The following DGKI variants were observed in gnomAD, a reference collection of about 807,000 sequenced individuals.
DGKI encodes DAG kinase iota.
In DGKI, 55 loss-of-function variants were observed where a neutral mutation model predicts 147.5. The ratio of observed to expected loss-of-function variants is 0.37; its 90% confidence interval spans 0.30 to 0.47. DGKI has a LOEUF of 0.47. Ranked by LOEUF, DGKI falls within the 20% of genes least tolerant of loss-of-function variation. The probability of loss-of-function intolerance (pLI) is 1.00; values close to 1 mark genes in which losing one functional copy is unlikely to be tolerated. For synonymous variants in DGKI, 469 were observed against 477.1 expected (o/e 0.98, Z 0.22); for missense variants, 1,007 against 1,323.8 (o/e 0.76, Z 3.71).
chr7:137,722,026 A>C lies in DGKI; in HGVS notation c.402-32024T>G, dbSNP rs185293693. 1.4e-4 allele frequency: 224 copies of C among 1,585,742 alleles called. No homozygotes were observed. The Middle Eastern group carries it at 1.5e-3, about 11-fold the overall frequency. On this transcript the variant is annotated intron_variant, in intron 1 of 32. Coordinates refer to ENST00000614521, the MANE Select transcript of DGKI (RefSeq NM_001321708.2). ...AGTTGAGAAGCCAGATACTAAAGAG[A>C]AGAAACCTGAAGCCAAGAAGGCTGA...
Position 137,636,693 on chromosome 7 carries a change from T to C in DGKI, c.804+8779A>G, listed in dbSNP as rs927917696. ...CCCCTCTAGAATCTCCTGCTGAAAT[T>C]TGATCCCCAGTGTTGGAAGTGGGAA... On this transcript the variant is annotated intron_variant, in intron 6 of 32. Transcript: ENST00000614521. Among the ~76,000 whole-genome samples, 12 of 152,322 alleles carry C rather than the reference T, an allele frequency of 7.9e-5. No individual in the cohort carries two copies. The South Asian group carries it at 1.9e-3, about 24-fold the overall frequency.
intron 1 of DGKI, among the ~76,000 whole-genome samples, chr7:137,839,010 T>C (rs1798471586): frequency 6.6e-6 from 1 of 152,246 alleles, no homozygotes; most frequent in African/African-American, 2.4e-5. Context: ...CTATTTCTAG[T>C]ACCTCGGTCT....
intron 7 of DGKI, among the ~76,000 whole-genome samples, chr7:137,621,576 C>A (rs1015408479): frequency 5.9e-5 from 9 of 152,122 alleles, no homozygotes; most frequent in Non-Finnish European, 2.9e-5. Context: ...ACATATCAAC[C>A]GCTGTAATTT....
intron 21 of DGKI, among the ~76,000 whole-genome samples, chr7:137,513,685 A>G (rs1217633921): frequency 6.6e-6 from 1 of 152,234 alleles, no homozygotes; most frequent in Non-Finnish European, 1.5e-5. Context: ...TATAGCCTGT[A>G]GCTCCTAGGC....
chr7:137,625,673 A>G (rs1428930909), intron 6 of DGKI, among the ~76,000 whole-genome samples: 2 of 151,298 alleles, frequency 1.3e-5, no homozygotes, highest in Non-Finnish European at 2.9e-5. Context: ...TGAGGTAGGC[A>G]GATTGCTTGA....
chr7:137,603,591 C>T (rs1484694817), intron 10 of DGKI, among the ~76,000 whole-genome samples: 1 of 152,168 alleles, frequency 6.6e-6, no homozygotes, highest in African/African-American at 2.4e-5. Context: ...AATTAATTCA[C>T]CAAAGATGGG....
At chr7:137,668,774 G>A (rs772169353) in intron 3 of DGKI, among the ~76,000 whole-genome samples, 12 of 152,186 alleles carry the variant, frequency 7.9e-5, no homozygotes, top group Non-Finnish European at 1.2e-4. Flanking sequence ...CTGTCAGCTA[G>A]GCTAGTTGTT....
At chr7:137,584,866 C>A (rs1240644193) in intron 14 of DGKI, among the ~76,000 whole-genome samples, 2 of 152,096 alleles carry the variant, frequency 1.3e-5, no homozygotes, top group Admixed American at 1.3e-4. Flanking sequence ...AACAAGTGCC[C>A]AATGCTTACA....
chr7:137,799,559 A>T (rs1797132811), intron 1 of DGKI, among the ~76,000 whole-genome samples: 1 of 152,196 alleles, frequency 6.6e-6, no homozygotes, highest in Non-Finnish European at 1.5e-5. Flanking sequence ...ATAAGAACAT[A>T]CTGAGAACAG....
At position 137,391,252 on chromosome 7, in the gene DGKI, T is replaced by C. The variant is rs765516863; in HGVS notation, c.3142A>G (p.Ile1048Val). ...GCAGTTTCCAGGTCCTCATGGCCAA[T>C]GACCTTATAGTTCTGACGGCTTTCT... The part of the protein sequence containing the change: ...YLESRQNYKV[I>V]GHEDLETAV Residue 1048 changes from isoleucine to valine, a missense_variant, in exon 33 of 33, where the codon ATT (isoleucine) becomes GTT (valine). Coordinates refer to ENST00000614521, the MANE Select transcript of DGKI (RefSeq NM_001321708.2). 2 of 1,613,956 alleles carry C rather than the reference T, an allele frequency of 1.2e-6. No homozygotes were observed. Among genetic ancestry groups the C allele is most frequent in the East Asian group, 2.2e-5 (1 of 44,858 alleles).
chr7:137,781,098 G>A (rs1475102688), intron 1 of DGKI, among the ~76,000 whole-genome samples: 2 of 152,224 alleles, frequency 1.3e-5, no homozygotes, highest in South Asian at 4.1e-4. Flanking sequence ...AGAGGTGGTT[G>A]CACTCCCAGA....
Position 137,832,456 on chromosome 7 carries a change from G to C in DGKI, c.401+14006C>G, listed in dbSNP as rs892420363. 9.2e-5 allele frequency among the ~76,000 whole-genome samples: 14 copies of C among 152,212 alleles called. 1 individual carries two copies. Among genetic ancestry groups the C allele is most frequent in the Admixed American group, 1.3e-4 (2 of 15,284 alleles). On this transcript the variant is annotated intron_variant, in intron 1 of 32. Transcript: ENST00000614521. Reference sequence around the variant, plus strand: ...CATGTGGAAGTTTCCAAGGATTAAGGCTTGAACCCTCTGAAGCAATAGCTC... The same window carrying C: ...CATGTGGAAGTTTCCAAGGATTAAGCCTTGAACCCTCTGAAGCAATAGCTC...
Position 137,788,263 on chromosome 7 carries a change from C to T in DGKI, c.401+58199G>A, listed in dbSNP as rs140250764. Among the ~76,000 whole-genome samples the T allele has an allele frequency of 3.7e-3, 561 of 152,216 alleles. 4 individuals are homozygous for T. Among genetic ancestry groups the T allele is most frequent in the Middle Eastern group, 0.031 (9 of 292 alleles). On this transcript the variant is annotated intron_variant, in intron 1 of 32. Transcript: ENST00000614521. Reference sequence around the variant, plus strand: ...AGTTCTGGAGCCACATTTCCAGCTGCCTACTGGACGGTCCAACTTGATGGG... The same window carrying T: ...AGTTCTGGAGCCACATTTCCAGCTGTCTACTGGACGGTCCAACTTGATGGG...
chr7:137,790,231 AAC>A (rs137932599), intron 1 of DGKI, among the ~76,000 whole-genome samples: 63,824 of 143,550 alleles, frequency 0.44, 15,115 homozygotes, highest in Admixed American at 0.58. Context: ...GTGTATTACC[AAC>A]ACACACACAC....
intron 1 of DGKI, among the ~76,000 whole-genome samples, chr7:137,815,594 T>C (rs1797713796): frequency 6.6e-6 from 1 of 152,178 alleles, no homozygotes; most frequent in South Asian, 2.1e-4. Context: ...GAAAGACTAC[T>C]AGATGTCAGC....
intron 19 of DGKI, among the ~76,000 whole-genome samples, chr7:137,563,909 A>T (rs1585235224): frequency 6.6e-6 from 1 of 152,188 alleles, no homozygotes; most frequent in African/African-American, 2.4e-5. Flanking sequence ...TAAAATCCTA[A>T]TTTTTTGCAG....
chr7:137,581,937 A>T lies in DGKI; in HGVS notation c.1564-9T>A, dbSNP rs201577414. 3.7e-6 allele frequency: 6 copies of T among 1,612,184 alleles called. No homozygotes were observed. In the Admixed American group the frequency reaches 5.0e-5, roughly 13 times the overall value. ...AAAACATTCAGAGGGAGCTGCAATG[A>T]TAAACAAAGACAGAGGCAAAATTTT... On this transcript the variant is annotated splice_polypyrimidine_tract_variant and intron_variant, in intron 14 of 32. Coordinates refer to ENST00000614521, the MANE Select transcript of DGKI (RefSeq NM_001321708.2).
intron 28 of DGKI, among the ~76,000 whole-genome samples, chr7:137,427,170 T>C (rs4728411): frequency 0.98 from 148,089 of 151,684 alleles, 72,384 homozygotes; most frequent in Middle Eastern, 1. Flanking sequence ...CCTCAGCAAA[T>C]GTAAAAGAAC....
intron 1 of DGKI, among the ~76,000 whole-genome samples, chr7:137,798,846 C>T (rs1417291943): frequency 6.6e-6 from 1 of 152,090 alleles, no homozygotes; most frequent in Non-Finnish European, 1.5e-5. Context: ...TAGTTTAGCA[C>T]AGTAAAATCA....
Sources: gnomAD v4.1 joint callset for allele counts (sites outside exome capture counted in the v4.1 genomes callset) on GRCh38, gnomAD v4.1.1 for gene constraint, MANE v1.5 for transcripts, NCBI Gene and HGNC (gene_info 2026-07-23, HGNC 2026-07-21) for gene names.